CREBBP: variants seen among roughly 807,000 people sequenced by gnomAD.
CREBBP encodes the protein CREB binding lysine acetyltransferase, also known as CREB-binding protein.
A neutral mutation model predicts 265.0 loss-of-function variants in CREBBP; 19 were observed. The ratio of observed to expected loss-of-function variants is 0.07; its 90% CI spans 0.05 to 0.11. The LOEUF (loss-of-function observed/expected upper bound fraction) is 0.11. Among genes scored for constraint, CREBBP ranks in the 10% least tolerant of loss-of-function variants. The pLI, the probability that CREBBP is intolerant of heterozygous loss-of-function variation, is 1.00. For synonymous variants in CREBBP, 1,457 were observed against 1,223.7 expected (o/e 1.19, Z -3.98); for missense variants, 2,525 against 3,219.0 (o/e 0.78, Z 5.22).
chr16:3,800,187 T>C (rs1055347362), intron 3 of CREBBP, among the ~76,000 whole-genome samples: 9 of 152,190 alleles, frequency 5.9e-5, no homozygotes, highest in Non-Finnish European at 1.2e-4. Context: ...AGTGCAATCA[T>C]GGCTCACACA....
intron 2 of CREBBP, among the ~76,000 whole-genome samples, chr16:3,819,332 A>G (rs553884097): frequency 6.6e-6 from 1 of 152,362 alleles, no homozygotes; most frequent in South Asian, 2.1e-4. Flanking sequence ...GGGTTGCGTG[A>G]GAACTAAACA....
intron 15 of CREBBP, 94 bp from the exon 16 acceptor site, chr16:3,768,003 T>C (rs529217205): frequency 1.0e-5 from 12 of 1,161,936 alleles, no homozygotes; most frequent in Non-Finnish European, 1.4e-5. Context: ...AAAACAGGTT[T>C]GTTAAAACCT....
Position 3,782,861 on chromosome 16 carries a change from T to A in CREBBP, c.1396A>T (p.Asn466Tyr). 3.1e-6 allele frequency: 5 copies of A among 1,614,208 alleles called. No individual in the cohort carries two copies. Among genetic ancestry groups the A allele is most frequent in the Non-Finnish European group, 4.2e-6 (5 of 1,180,034 alleles). Reference sequence around the variant, plus strand: ...TTTGGGTTACTTAAAGAAGTGGCATTCTGTTGCCCTGTGCCAACAGAACCA... The same window carrying A: ...TTTGGGTTACTTAAAGAAGTGGCATACTGTTGCCCTGTGCCAACAGAACCA... ...TIGSVGTGQQ[N>Y]ATSLSNPNPI... Residue 466 changes from asparagine to tyrosine, a missense_variant, in exon 6 of 31, where the codon AAT becomes TAT. Asn to Tyr is a moderately radical substitution (Grantham distance 143). Coordinates refer to ENST00000262367, the MANE Select transcript of CREBBP (RefSeq NM_004380.3).
At chr16:3,760,986 C>T (rs1392217648) in intron 16 of CREBBP, among the ~76,000 whole-genome samples, 5 of 151,950 alleles carry the variant, frequency 3.3e-5, no homozygotes, top group African/African-American at 1.2e-4. Flanking sequence ...CGGAGTTTCA[C>T]TCTTGTTGTC....
At chr16:3,870,295 C>A (rs189588207) in intron 1 of CREBBP, among the ~76,000 whole-genome samples, 2 of 152,144 alleles carry the variant, frequency 1.3e-5, no homozygotes, top group African/African-American at 4.8e-5. Context: ...TAGCTGAGCC[C>A]GAGAGGCAAT....
At chr16:3,796,226 C>A (rs1054963564) in intron 3 of CREBBP, among the ~76,000 whole-genome samples, 1 of 152,136 alleles carries the variant, frequency 6.6e-6, no homozygotes, top group African/African-American at 2.4e-5. Flanking sequence ...AATTAACACA[C>A]TGATTTCATT....
chr16:3,754,330 G>A (rs1340281111), intron 19 of CREBBP, among the ~76,000 whole-genome samples: 2 of 152,176 alleles, frequency 1.3e-5, no homozygotes, highest in Non-Finnish European at 2.9e-5. Context: ...GTCTATGAGT[G>A]ATAGATGTTA....
chr16:3,793,048 A>G (rs1786460051), intron 4 of CREBBP, among the ~76,000 whole-genome samples: 2 of 152,330 alleles, frequency 1.3e-5, no homozygotes, highest in Non-Finnish European at 2.9e-5. Context: ...AAAGAAAACC[A>G]CAATCTAGAC....
intron 1 of CREBBP, among the ~76,000 whole-genome samples, chr16:3,865,128 A>AT (rs1485428856): frequency 3.3e-5 from 5 of 152,236 alleles, no homozygotes; most frequent in African/African-American, 4.8e-5. Flanking sequence ...TGCCTTTCAC[A>AT]TTTTAAGACT....
intron 16 of CREBBP, among the ~76,000 whole-genome samples, chr16:3,760,659 C>G (rs2052695860): frequency 2.0e-5 from 3 of 152,058 alleles, no homozygotes; most frequent in Admixed American, 1.3e-4. Flanking sequence ...CCGCCCTGGC[C>G]TTCCAAAGTG....
At chr16:3,826,507 G>C (rs2054240029) in intron 2 of CREBBP, among the ~76,000 whole-genome samples, 1 of 152,076 alleles carries the variant, frequency 6.6e-6, no homozygotes, top group African/African-American at 2.4e-5. Context: ...CAACCATAGT[G>C]GTAAAGTCAC....
chr16:3,743,933 G>T (rs1042452394), intron 23 of CREBBP, among the ~76,000 whole-genome samples: 3 of 152,092 alleles, frequency 2.0e-5, no homozygotes, highest in African/African-American at 7.2e-5. Flanking sequence ...AAAATTAGCT[G>T]GGCAAGGTGG....
In CREBBP at chr16:3,851,288, CA is replaced by C. The variant is rs1299749572; in HGVS notation, c.86-280del. On this transcript the variant is annotated intron_variant, in intron 1 of 30. Coordinates refer to ENST00000262367, the MANE Select transcript of CREBBP (RefSeq NM_004380.3). ...GGGCAACAAGACCGAAACACCGTCTCAAAAAAAAAAAAAAAATTAAAAAAAA... is the reference window on the plus strand; with the variant it reads ...GGGCAACAAGACCGAAACACCGTCTCAAAAAAAAAAAAAAATTAAAAAAAA... Among the ~76,000 whole-genome samples, 697 of 22,848 alleles carry C rather than the reference CA, an allele frequency of 0.031. 8 individuals are homozygous for C. Among genetic ancestry groups the C allele is most frequent in the African/African-American group, 0.094 (590 of 6,294 alleles). The allele number at this position is 22,848 out of a possible 152,430, so 15.0% of individuals were successfully genotyped here.
chr16:3,731,534 C>A lies in CREBBP; in HGVS notation c.4891-61G>T, dbSNP rs184307159. ...GACATGGCACCTCCAGTGGTGAGCT[C>A]AGGGCAGGCGCAGCCACCCAGCCTG... On this transcript the variant is annotated intron_variant, in intron 29 of 30. Coordinates refer to ENST00000262367, the MANE Select transcript of CREBBP (RefSeq NM_004380.3). The surrounding 1 kb of genome is among the most constrained non-coding windows in gnomAD (Gnocchi z 7.7). 2 of 1,547,750 alleles carry A rather than the reference C, an allele frequency of 1.3e-6. No homozygotes were observed. The highest frequency in any genetic ancestry group is 1.7e-6 in the Non-Finnish European group (2 of 1,148,824).
chr16:3,817,159 C>CGTGT (rs2054054423), intron 2 of CREBBP, among the ~76,000 whole-genome samples: 2 of 152,176 alleles, frequency 1.3e-5, no homozygotes, highest in Non-Finnish European at 2.9e-5. Flanking sequence ...AGCAGATACA[C>CGTGT]AAGTCCAGTC....
intron 1 of CREBBP, among the ~76,000 whole-genome samples, chr16:3,851,941 G>A (rs1319529288): frequency 7.2e-6 from 1 of 139,016 alleles, no homozygotes; most frequent in African/African-American, 2.6e-5. Flanking sequence ...AGGAGGCTTA[G>A]GCAGGAGAAT....
intron 1 of CREBBP, among the ~76,000 whole-genome samples, chr16:3,851,718 G>A (rs2141500667): frequency 6.6e-6 from 1 of 151,918 alleles, no homozygotes; most frequent in Admixed American, 6.6e-5. Context: ...GCCGGGCGCG[G>A]TGGCGGGCGC....
rs747761283 is a variant in CREBBP at position 3,850,573 on chromosome 16, A to T, written c.522T>A (p.Gly174=). 3 of 1,614,104 alleles carry T rather than the reference A, an allele frequency of 1.9e-6. No individual in the cohort carries two copies. The South Asian group carries it at 3.3e-5, about 18-fold the overall frequency. ...GGTTAAAGTTAGCATTCATGCAGAT[A>T]CCAGGTCCAGTCTGTGACGTGGCAG... ...SSPATSQTGP[G]ICMNANFNQT... The change falls in exon 2 of 31, where the codon GGT becomes GGA. Residue 174 remains glycine (G), a synonymous_variant. Coordinates refer to ENST00000262367, the MANE Select transcript of CREBBP (RefSeq NM_004380.3).
intron 16 of CREBBP, chr16:3,761,454 A>C (rs1327621067): frequency 4.1e-6 from 2 of 493,628 alleles, no homozygotes; most frequent in East Asian, 5.8e-5. Context: ...TGGTGAAAGC[A>C]AAAGTTAAAA....
Sources: allele counts gnomAD v4.1 joint callset (sites outside exome capture counted in the v4.1 genomes callset), GRCh38; gene constraint gnomAD v4.1.1; non-coding constraint Gnocchi (gnomAD v3.1); transcripts MANE v1.5; gene names NCBI Gene and HGNC (gene_info 2026-07-23, HGNC 2026-07-21).